KIAA1217: variants seen among roughly 807,000 people sequenced by gnomAD.
The protein encoded by KIAA1217 is KIAA1217, also known as sickle tail protein homolog.
In KIAA1217, 88 loss-of-function variants were observed where a neutral mutation model predicts 163.9. That is an observed-to-expected ratio of 0.54 (90% CI 0.45 to 0.64). The LOEUF is 0.64. Ranked by LOEUF, KIAA1217 falls within the 30% of genes least tolerant of loss-of-function variation. KIAA1217 has a pLI of 0.00. For synonymous variants in KIAA1217, 903 were observed against 923.1 expected (o/e 0.98, Z 0.39); for missense variants, 2,372 against 2,475.0 (o/e 0.96, Z 0.88).
At chr10:24,130,432 T>A (rs1228478631) in intron 2 of KIAA1217, among the ~76,000 whole-genome samples, 1 of 152,236 alleles carries the variant, frequency 6.6e-6, no homozygotes, top group South Asian at 2.1e-4. Flanking sequence ...TGAAGTTTCA[T>A]GTCCTGTAGC....
At chr10:24,291,770 A>G (rs1317955856) in intron 2 of KIAA1217, among the ~76,000 whole-genome samples, 1 of 152,164 alleles carries the variant, frequency 6.6e-6, no homozygotes, top group African/African-American at 2.4e-5. Context: ...TGTGGAGAAA[A>G]AAAAAATCTA....
chr10:23,896,685 A>G (rs749570723), intron 1 of KIAA1217, among the ~76,000 whole-genome samples: 39 of 152,104 alleles, frequency 2.6e-4, no homozygotes, highest in African/African-American at 9.4e-4. Flanking sequence ...GGTTGGGTTA[A>G]TCTCTTAAGA....
In KIAA1217 at chr10:23,906,275, A is replaced by AC. The variant is rs548957655; in HGVS notation, c.-320-100950_-320-100949insC. Reference sequence around the variant, plus strand: ...GGAAGCACACACACACACACACACAAAAATACACATACACACAAACACGTA... The same window carrying AC: ...GGAAGCACACACACACACACACACAACAAATACACATACACACAAACACGTA... On this transcript the variant is annotated intron_variant, in intron 1 of 18. Coordinates refer to the KIAA1217 transcript ENST00000376462. Among the ~76,000 whole-genome samples the AC allele has an allele frequency of 5.0e-3, 736 of 147,644 alleles. 7 individuals are homozygous for AC. Among genetic ancestry groups the AC allele is most frequent in the African/African-American group, 0.016 (651 of 40,158 alleles).
intron 1 of KIAA1217, among the ~76,000 whole-genome samples, chr10:24,000,860 T>C (rs1190163937): frequency 1.3e-5 from 2 of 152,186 alleles, no homozygotes; most frequent in Non-Finnish European, 1.5e-5. Context: ...TGTGTTCAAA[T>C]GGGCACTGAG....
intron 2 of KIAA1217, among the ~76,000 whole-genome samples, chr10:24,024,529 A>G (rs1210902066): frequency 6.6e-6 from 1 of 151,730 alleles, no homozygotes; most frequent in Non-Finnish European, 1.5e-5. Context: ...TATGATGAGT[A>G]TTTGAGTAAT....
chr10:24,529,286 C>A (rs1160235507), intron 14 of KIAA1217, among the ~76,000 whole-genome samples: 1 of 152,138 alleles, frequency 6.6e-6, no homozygotes, highest in Non-Finnish European at 1.5e-5. Context: ...TTGCATGTAA[C>A]CTACTCACAT....
intron 2 of KIAA1217, among the ~76,000 whole-genome samples, chr10:24,371,364 T>A (rs916797913): frequency 6.6e-6 from 1 of 152,112 alleles, no homozygotes; most frequent in African/African-American, 2.4e-5. Context: ...GGTTGAAAGG[T>A]GGAAAATATC....
At chr10:23,905,299 G>T (rs756665767) in intron 1 of KIAA1217, among the ~76,000 whole-genome samples, 1 of 151,842 alleles carries the variant, frequency 6.6e-6, no homozygotes, top group Non-Finnish European at 1.5e-5. Context: ...AGTCTAGGGA[G>T]CTTGTCTCTG....
intron 2 of KIAA1217, among the ~76,000 whole-genome samples, chr10:24,159,777 C>T (rs1035911564): frequency 2.6e-5 from 4 of 151,420 alleles, no homozygotes; most frequent in Admixed American, 2.0e-4. Context: ...AGCTAGACTC[C>T]GTCTCAAAAA....
At chr10:23,769,390 C>A (rs1300883863) in intron 1 of KIAA1217, among the ~76,000 whole-genome samples, 2 of 152,068 alleles carry the variant, frequency 1.3e-5, no homozygotes, top group African/African-American at 4.8e-5. Flanking sequence ...TCCCCAGGAG[C>A]AATTGAGGGG....
chr10:23,768,805 C>T (rs555303451), intron 1 of KIAA1217, among the ~76,000 whole-genome samples: 1 of 152,234 alleles, frequency 6.6e-6, no homozygotes, highest in South Asian at 2.1e-4. Context: ...CTGAACTTGC[C>T]TCATGGGAAT....
chr10:23,856,232 C>G (rs909922682), intron 1 of KIAA1217, among the ~76,000 whole-genome samples: 2 of 152,220 alleles, frequency 1.3e-5, no homozygotes, highest in Non-Finnish European at 2.9e-5. Context: ...TTCTAACAGA[C>G]AGGACCCTCA....
At chr10:23,705,471 G>A (rs1323580357) in intron 1 of KIAA1217, among the ~76,000 whole-genome samples, 1 of 151,996 alleles carries the variant, frequency 6.6e-6, no homozygotes, top group African/African-American at 2.4e-5. Context: ...TTATGCATGT[G>A]GATATTCAAT....
chr10:23,817,537 A>G (rs1465843649), intron 1 of KIAA1217, among the ~76,000 whole-genome samples: 1 of 152,016 alleles, frequency 6.6e-6, no homozygotes, highest in East Asian at 1.9e-4. Flanking sequence ...TTGAGGAATA[A>G]ACTCCAGGAT....
chr10:23,701,437 C>T (rs1836442792), intron 1 of KIAA1217, among the ~76,000 whole-genome samples: 1 of 152,164 alleles, frequency 6.6e-6, no homozygotes, highest in South Asian at 2.1e-4. Flanking sequence ...GCAAGTCGTC[C>T]TCAAATGGGT....
At chr10:24,402,408 C>T (rs1054159151) in intron 3 of KIAA1217, among the ~76,000 whole-genome samples, 1 of 151,662 alleles carries the variant, frequency 6.6e-6, no homozygotes, top group Non-Finnish European at 1.5e-5. Flanking sequence ...ACTCAGGAGG[C>T]TGAGGCAGTA....
At chr10:24,518,950 C>G (rs1186987705) in intron 10 of KIAA1217, among the ~76,000 whole-genome samples, 1 of 152,216 alleles carries the variant, frequency 6.6e-6, no homozygotes, top group Non-Finnish European at 1.5e-5. Flanking sequence ...CATCCCACTT[C>G]TTGCAGGGGA....
chr10:24,014,663 A>T (rs1315457834), intron 2 of KIAA1217, among the ~76,000 whole-genome samples: 1 of 152,200 alleles, frequency 6.6e-6, no homozygotes, highest in Non-Finnish European at 1.5e-5. Context: ...TTCAGCTAGA[A>T]ATCTCAAGTC....
At chr10:24,223,356 A>T (rs77987542) in intron 2 of KIAA1217, among the ~76,000 whole-genome samples, 1 of 152,052 alleles carries the variant, frequency 6.6e-6, no homozygotes, top group Non-Finnish European at 1.5e-5. Flanking sequence ...TGCAGACATC[A>T]TCTCATCTTC....
Sources: gnomAD v4.1 joint callset for allele counts (sites outside exome capture counted in the v4.1 genomes callset) on GRCh38, gnomAD v4.1.1 for gene constraint, MANE v1.5 for transcripts, NCBI Gene and HGNC (gene_info 2026-07-23, HGNC 2026-07-21) for gene names.